EP400: variants seen among roughly 807,000 people sequenced by gnomAD.
The protein encoded by EP400 is E1A-binding protein p400.
A neutral mutation model predicts 354.1 loss-of-function variants in EP400; 105 were observed. The observed-to-expected ratio is 0.30, with a 90% CI of 0.25 to 0.35. EP400 has a LOEUF of 0.35. EP400 is among the 10% of genes least tolerant of loss of function. EP400 has a pLI of 1.00. For synonymous variants in EP400, 1,646 were observed against 1,716.9 expected (o/e 0.96, Z 1.02); for missense variants, 3,280 against 4,121.0 (o/e 0.80, Z 5.59).
Position 132,038,155 on chromosome 12 carries a change from C to G in EP400, c.6207+59C>G. 1 of 1,601,392 alleles carries G rather than the reference C, an allele frequency of 6.2e-7. No individual in the cohort carries two copies. The highest frequency in any genetic ancestry group is 1.1e-5 in the South Asian group (1 of 89,210). On this transcript the variant is annotated intron_variant, in intron 32 of 52. Transcript: ENST00000389561. The surrounding 1 kb of genome is among the most constrained non-coding windows in gnomAD (Gnocchi z 4.2). ...ACGGTGGGAGCCGGCGGAACACCTG[C>G]ACCCTCCCCCAGGGTTCTGGGTGCT...
rs757940977 is a variant in EP400 at position 132,028,214 on chromosome 12, A to G, written c.5307A>G (p.Ser1769=). Residue 1769 remains serine (S), a synonymous_variant, in exon 27 of 53, where the codon TCA becomes TCG. Coordinates refer to ENST00000389561, the MANE Select transcript of EP400 (RefSeq NM_015409.5). Reference sequence around the variant, plus strand: ...CCGGGCCAGCGCACAGTTACACTTCATCCTCAGAAAGTCCAAGTGAGCTGA... The same window carrying G: ...CCGGGCCAGCGCACAGTTACACTTCGTCCTCAGAAAGTCCAAGTGAGCTGA... ...KEAGPAHSYT[S]SSESPSELML... is the part of the protein sequence containing the mutation. The G allele has an allele frequency of 6.2e-7, 1 of 1,614,208 alleles. No individual in the cohort carries two copies. Among genetic ancestry groups the G allele is most frequent in the Non-Finnish European group, 8.5e-7 (1 of 1,180,032 alleles).
Position 132,016,354 on chromosome 12 carries a change from C to T in EP400, c.3924-1181C>T, listed in dbSNP as rs527467786. 7.9e-5 allele frequency among the ~76,000 whole-genome samples: 12 copies of T among 152,222 alleles called. No individual in the cohort carries two copies. The South Asian group carries it at 2.5e-3, about 32-fold the overall frequency. On this transcript the variant is annotated intron_variant, in intron 19 of 52. Coordinates refer to ENST00000389561, the MANE Select transcript of EP400 (RefSeq NM_015409.5). ...GCGCCGTCTCTCCTGTGGAGCCCTC[C>T]TGCTTTTTTTTTCTTTTTTTTCCTT...
chr12:131,995,329 G>C (rs1057225073), intron 12 of EP400, among the ~76,000 whole-genome samples: 2 of 151,006 alleles, frequency 1.3e-5, no homozygotes, highest in Non-Finnish European at 2.9e-5. Context: ...TGAATGTACC[G>C]TTCATCTTGA....
Position 132,029,677 on chromosome 12 carries a change from C to T in EP400, c.5382-24C>T, listed in dbSNP as rs1277241500. The stretch of plus-strand genomic sequence containing the variant: ...GAAGGTGTGTGGCTCCTGGTGGTGA[C>T]AAAACATGCTTTCTGCTCCTCAGGG... On this transcript the variant is annotated intron_variant, in intron 27 of 52. Transcript: ENST00000389561. This position sits in a 1 kb window ranked among gnomAD's most constrained non-coding sequence, Gnocchi z 4.7. 6.2e-6 allele frequency: 10 copies of T among 1,606,612 alleles called. No individual in the cohort carries two copies. The highest frequency in any genetic ancestry group is 1.3e-5 in the African/African-American group (1 of 74,790).
chr12:132,023,836 G>A lies in EP400; in HGVS notation c.4750G>A (p.Ala1584Thr). 1 of 1,613,868 alleles carries A rather than the reference G, an allele frequency of 6.2e-7. No individual in the cohort carries two copies. The highest frequency in any genetic ancestry group is 8.5e-7 in the Non-Finnish European group (1 of 1,179,916). ...ASITGPQSRV[A>T]QPETPVTLQF... ...CATCACAGGACCACAGAGCCGCGTGGCTCAGCCAGAGACGCCGGTGACACT... is the reference window on the plus strand; with the variant it reads ...CATCACAGGACCACAGAGCCGCGTGACTCAGCCAGAGACGCCGGTGACACT... Residue 1584 changes from alanine (A) to threonine (T), a missense_variant, in exon 24 of 53, where the codon GCT (alanine) becomes ACT (threonine). By Grantham distance (58) the Ala-to-Thr change is moderately conservative (BLOSUM62 0). This residue lies in a region of EP400 where 342 missense variants were observed against 342.7 expected (regional missense o/e 1.00). Coordinates refer to ENST00000389561, the MANE Select transcript of EP400 (RefSeq NM_015409.5).
chr12:132,072,146 G>T (rs1896087985), intron 51 of EP400, among the ~76,000 whole-genome samples: 1 of 152,146 alleles, frequency 6.6e-6, no homozygotes, highest in South Asian at 2.1e-4. Flanking sequence ...CTGTTTCTGA[G>T]ACGCGCTCCT....
Position 132,018,127 on chromosome 12 carries a change from C to A in EP400, c.4111-83C>A. The A allele has an allele frequency of 6.4e-7, 1 of 1,564,788 alleles. No homozygotes were observed. Reference sequence around the variant, plus strand: ...GCGCGTCTGGATGCCCACGTTAGGGCCCTGCCATAGAAATCAGTTTTGATT... The same window carrying A: ...GCGCGTCTGGATGCCCACGTTAGGGACCTGCCATAGAAATCAGTTTTGATT... On this transcript the variant is annotated intron_variant, in intron 20 of 52. Coordinates refer to ENST00000389561, the MANE Select transcript of EP400 (RefSeq NM_015409.5). This position sits in a 1 kb window ranked among gnomAD's most constrained non-coding sequence, Gnocchi z 4.0.
chr12:131,963,781 T>A, intron 2 of EP400: 3 of 623,898 alleles, frequency 4.8e-6, no homozygotes, highest in Non-Finnish European at 8.3e-6. Context: ...TAAAAAATCT[T>A]CCTGCGTATA....
Position 132,050,768 on chromosome 12 carries a change from G to A in EP400, c.7394+113G>A. On this transcript the variant is annotated intron_variant, in intron 41 of 52. Coordinates refer to ENST00000389561, the MANE Select transcript of EP400 (RefSeq NM_015409.5). The surrounding 1 kb of genome is among the most constrained non-coding windows in gnomAD (Gnocchi z 4.8). ...GTGCACTTAGCGTGTTCAGGCATCA[G>A]CTGGACGTGGCAGTGCGCAGAACCT... The A allele has an allele frequency of 1.5e-6, 2 of 1,324,934 alleles. No homozygotes were observed. The highest frequency in any genetic ancestry group is 1.1e-6 in the Non-Finnish European group (1 of 927,314). The allele number at this position is 1,324,934 out of a possible 1,614,324, so 82.1% of individuals were successfully genotyped here. A position where few individuals can be genotyped will look rare whatever the true frequency, so the allele number is the denominator to read the frequency against.
intron 5 of EP400, among the ~76,000 whole-genome samples, chr12:131,982,969 CAA>C (rs57882341): frequency 2.8e-4 from 31 of 112,376 alleles, no homozygotes; most frequent in African/African-American, 3.6e-4. Flanking sequence ...GACTCTGTCT[CAA>C]AAAAAAAAAA....
In EP400 at chr12:132,030,152, A is replaced by G. The variant is rs779751863; in HGVS notation, c.5748A>G (p.Gln1916=). ...TCGATGAAAATGCCAGCAGTGAGCA[A>G]CGGCAGGTGAGAAGCACATTGTTTA... The part of the protein sequence containing the change: ...VRIDENASSE[Q]RQELMRSFNR... Residue 1916 remains glutamine (Q), a synonymous_variant, in exon 29 of 53, where the codon CAA becomes CAG. Transcript: ENST00000389561. 4.3e-6 allele frequency: 7 copies of G among 1,614,068 alleles called. No homozygotes were observed. In the East Asian group the frequency reaches 1.1e-4, roughly 26 times the overall value.
At position 132,053,210 on chromosome 12, in the gene EP400, G is replaced by A. The variant is rs752491607; in HGVS notation, c.7459G>A (p.Ala2487Thr). 12 of 1,613,812 alleles carry A rather than the reference G, an allele frequency of 7.4e-6. No individual in the cohort carries two copies. Among genetic ancestry groups the A allele is most frequent in the Admixed American group, 1.7e-5 (1 of 60,006 alleles). ...GGCATCTCTCCGTGCAGAGCGAATC[G>A]CAAAAGAGAAAAAGGTCAGCGCCCT... ...QVASLRAERI[A>T]KEKKALADQQ... is the part of the protein sequence containing the mutation. The change falls in exon 42 of 53, where the codon GCA becomes ACA. Residue 2487 changes from alanine (A) to threonine (T), a missense_variant. By Grantham distance (58) the Ala-to-Thr change is moderately conservative (BLOSUM62 0). Transcript: ENST00000389561.
chr12:132,045,650 A>G lies in EP400; in HGVS notation c.7027-77A>G, dbSNP rs1445551026. On this transcript the variant is annotated intron_variant, in intron 38 of 52. Coordinates refer to ENST00000389561, the MANE Select transcript of EP400 (RefSeq NM_015409.5). ...ATCCAGCTCACTGTGATCACTTTGC[A>G]GGGAGTCTTTGGCAAGAGGGAAGAC... 7 of 1,603,240 alleles carry G rather than the reference A, an allele frequency of 4.4e-6. No homozygotes were observed. The East Asian group carries it at 6.7e-5, about 15-fold the overall frequency.
Position 131,982,380 on chromosome 12 carries a change from C to T in EP400, c.1831C>T (p.Leu611Phe). The T allele has an allele frequency of 6.2e-7, 1 of 1,614,218 alleles. No homozygotes were observed. The highest frequency in any genetic ancestry group is 8.5e-7 in the Non-Finnish European group (1 of 1,180,042). ...VPIPAPPSSQLPIPPSQPAQL... is the reference protein window; with the variant it reads ...VPIPAPPSSQFPIPPSQPAQL... ...CATCCCTGCACCGCCCAGCAGCCAA[C>T]TCCCCATCCCTCCCTCGCAGCCTGC... The change falls in exon 5 of 53, where the codon CTC (leucine) becomes TTC (phenylalanine). Residue 611 changes from leucine (L) to phenylalanine (F), a missense_variant. Transcript: ENST00000389561.
intron 34 of EP400, 138 bp downstream of exon 34, chr12:132,043,866 AAG>A (rs1894994760): frequency 2.3e-6 from 2 of 875,602 alleles, no homozygotes; most frequent in Non-Finnish European, 1.7e-6. Context: ...ACTTAAAATG[AAG>A]AGAGTCTCGA....
Position 131,992,173 on chromosome 12 carries a change from G to A in EP400, c.2680G>A (p.Asp894Asn). 6.2e-7 allele frequency: 1 copy of A among 1,607,156 alleles called. No individual in the cohort carries two copies. The highest frequency in any genetic ancestry group is 1.1e-5 in the South Asian group (1 of 91,080). ...GTGGTTTTTCTTTCTTTTCTTTCAG[G>A]ATTCAGGAATGTCTGGAAGAAAAAG... ...GFDALQESSL[D>N]SGMSGRKRKA... The change falls in exon 11 of 53, where the codon GAT (aspartate) becomes AAT (asparagine). Residue 894 changes from aspartate to asparagine, a missense_variant and splice_region_variant. By Grantham distance (23) the Asp-to-Asn change is conservative. Around this residue, in one of 20 missense-constraint regions of EP400, gnomAD observed 800 missense variants for 840.0 expected, o/e 0.95. Transcript: ENST00000389561.
At chr12:132,028,752 T>G (rs1593357916) in intron 27 of EP400, among the ~76,000 whole-genome samples, 1 of 152,222 alleles carries the variant, frequency 6.6e-6, no homozygotes, top group Admixed American at 6.5e-5. Context: ...TCAACTGAGC[T>G]TGCTTTCAGT....
intron 47 of EP400, among the ~76,000 whole-genome samples, chr12:132,063,344 C>G (rs1025203423): frequency 2.6e-5 from 4 of 152,154 alleles, no homozygotes; most frequent in Non-Finnish European, 4.4e-5. Flanking sequence ...AAATCCCCGT[C>G]TCTACTAGAA....
chr12:131,951,014 C>T (rs1374454661), intron 1 of EP400, among the ~76,000 whole-genome samples: 3 of 152,114 alleles, frequency 2.0e-5, no homozygotes, highest in Non-Finnish European at 4.4e-5. Flanking sequence ...ATTCTCCTGC[C>T]TCAGCCTCCC....
Sources: gnomAD v4.1 joint callset for allele counts (sites outside exome capture counted in the v4.1 genomes callset) on GRCh38, gnomAD v4.1.1 for gene constraint, gnomAD v4.1.1 regional missense constraint, Gnocchi (gnomAD v3.1) non-coding constraint, MANE v1.5 for transcripts, NCBI Gene and HGNC (gene_info 2026-07-23, HGNC 2026-07-21) for gene names.